NFE2L1: variants seen among roughly 807,000 people sequenced by gnomAD.
NFE2L1 encodes endoplasmic reticulum membrane sensor NFE2L1.
A neutral mutation model predicts 61.6 loss-of-function variants in NFE2L1; 18 were observed. The ratio of observed to expected loss-of-function variants is 0.29; its 90% CI spans 0.20 to 0.43. The LOEUF (loss-of-function observed/expected upper bound fraction) is 0.43, where lower values mean the gene tolerates loss of function less well. Among genes scored for constraint, NFE2L1 ranks in the 20% least tolerant of loss-of-function variants. The pLI is 1.00. For missense variants in NFE2L1, 827 were observed against 973.5 expected, an observed-to-expected ratio of 0.85 and a Z score of 2.00; for synonymous variants, 419 against 402.7, an observed-to-expected ratio of 1.04 and a Z score of -0.48.
chr17:48,054,508 C>G (rs985356225), intron 2 of NFE2L1: 1 of 971,364 alleles, frequency 1.0e-6, no homozygotes, highest in African/African-American at 1.7e-5. Context: ...GCCTAGGTAA[C>G]GACAGTGGGA....
Position 48,051,528 on chromosome 17 carries a change from A to G in NFE2L1, c.410A>G (p.Asp137Gly). 6.2e-7 allele frequency: 1 copy of G among 1,614,200 alleles called. No individual in the cohort carries two copies. The highest frequency in any genetic ancestry group is 8.5e-7 in the Non-Finnish European group (1 of 1,180,030). ...GGCCTCCAAGATGTGACAGGCCCAGACAACGGGGTGCGAGAAAGCGAAACG... is the reference window on the plus strand; with the variant it reads ...GGCCTCCAAGATGTGACAGGCCCAGGCAACGGGGTGCGAGAAAGCGAAACG... ...SSGLQDVTGP[D>G]NGVRESETEQ... is the part of the protein sequence containing the mutation. The change falls in exon 2 of 6, where the codon GAC becomes GGC. Residue 137 changes from aspartate (D) to glycine (G), a missense_variant. Physicochemically the swap from Asp to Gly is moderately conservative, Grantham distance 94. Transcript: ENST00000362042.
At chr17:48,054,415 G>A (rs2037335518) in intron 2 of NFE2L1, 2 of 300,704 alleles carry the variant, frequency 6.7e-6, no homozygotes, top group East Asian at 1.2e-4. Flanking sequence ...CCCGTCTGCA[G>A]CTAGGTAACA....
In NFE2L1 at chr17:48,059,063, C is replaced by G; in HGVS notation, c.1741C>G (p.Pro581Ala). The change falls in exon 6 of 6, where the codon CCC becomes GCC. Residue 581 changes from proline (P) to alanine (A), a missense_variant. Pro to Ala is a conservative substitution (Grantham distance 27). Around this residue, in one of 3 missense-constraint regions of NFE2L1, gnomAD observed 667 missense variants for 748.4 expected, o/e 0.89. Coordinates refer to ENST00000362042, the MANE Select transcript of NFE2L1 (RefSeq NM_003204.3). This position sits in a 1 kb window ranked among gnomAD's most constrained non-coding sequence, Gnocchi z 6.1. ...CCACAACCACACATACAACATGGCA[C>G]CCAGTGCCCTGGACTCAGCCGACCT... Reference protein sequence around the residue: ...VGHNHTYNMAPSALDSADLPP... With the variant: ...VGHNHTYNMAASALDSADLPP... The G allele has an allele frequency of 6.2e-7, 1 of 1,614,118 alleles. No individual in the cohort carries two copies.
At chr17:48,055,202 A>T in intron 2 of NFE2L1, 2 of 1,289,176 alleles carry the variant, frequency 1.6e-6, no homozygotes, top group Non-Finnish European at 2.0e-6. Context: ...TCTTAGGGTC[A>T]GGGGGGGTTA....
chr17:48,057,579 C>G, intron 5 of NFE2L1, 77 bp downstream of exon 5: 1 of 1,513,626 alleles, frequency 6.6e-7, no homozygotes, highest in Non-Finnish European at 8.9e-7. Context: ...TTTTCCATCT[C>G]CAAGGAGAGA....
chr17:48,057,934 A>G (rs556184999), intron 5 of NFE2L1, among the ~76,000 whole-genome samples: 31 of 152,324 alleles, frequency 2.0e-4, no homozygotes, highest in African/African-American at 7.0e-4. Flanking sequence ...TGATGTGCCC[A>G]TCGTCACACA....
chr17:48,058,646 T>A lies in NFE2L1; in HGVS notation c.1324T>A (p.Leu442Ile). The A allele has an allele frequency of 1.9e-6, 3 of 1,614,178 alleles. No individual in the cohort carries two copies. The highest frequency in any genetic ancestry group is 2.5e-6 in the Non-Finnish European group (3 of 1,180,018). The change falls in exon 6 of 6, where the codon TTA becomes ATA. Residue 442 changes from leucine (L) to isoleucine (I), a missense_variant. By Grantham distance (5) the Leu-to-Ile change is conservative (BLOSUM62 2). Coordinates refer to ENST00000362042, the MANE Select transcript of NFE2L1 (RefSeq NM_003204.3). ...GCTGCCTGACCCTTTGGGGGGTCTG[T>A]TAGATGAAGCTATGTTGGATGAGAT... Reference protein sequence around the residue: ...PELPDPLGGLLDEAMLDEISL... With the variant: ...PELPDPLGGLIDEAMLDEISL...
In NFE2L1 at chr17:48,054,756, T is replaced by C. The variant is rs761946512; in HGVS notation, c.511-1630T>C. On this transcript the variant is annotated intron_variant, in intron 2 of 5. Coordinates refer to ENST00000362042, the MANE Select transcript of NFE2L1 (RefSeq NM_003204.3). ...GTGGGAGTCCCATCTCACTGCAGCCTCTGCGGTGAGCTCAGGGTGGGGGCA... is the reference window on the plus strand; with the variant it reads ...GTGGGAGTCCCATCTCACTGCAGCCCCTGCGGTGAGCTCAGGGTGGGGGCA... 637 of 1,295,124 alleles carry C rather than the reference T, an allele frequency of 4.9e-4. 1 individual carries two copies. Among genetic ancestry groups the C allele is most frequent in the Non-Finnish European group, 5.8e-4 (591 of 1,021,444 alleles). The allele number at this position is 1,295,124 out of a possible 1,614,324, so 80.2% of individuals were successfully genotyped here.
In NFE2L1 at chr17:48,051,364, G is replaced by C. The variant is rs1002583656; in HGVS notation, c.246G>C (p.Arg82=). The C allele has an allele frequency of 2.8e-5, 46 of 1,614,064 alleles. No homozygotes were observed. The highest frequency in any genetic ancestry group is 3.8e-5 in the Non-Finnish European group (45 of 1,180,040). The change falls in exon 2 of 6, where the codon CGG becomes CGC. Residue 82 remains arginine, a synonymous_variant. Transcript: ENST00000362042. The part of the protein sequence containing the change: ...IDLDNYFTAR[R]LLSQVRALDR... The stretch of plus-strand genomic sequence containing the variant: ...TGGACAATTACTTCACTGCCCGGCG[G>C]CTCCTCAGTCAGGTGAGGGCCCTGG...
chr17:48,055,028 C>T, intron 2 of NFE2L1: 2 of 1,517,870 alleles, frequency 1.3e-6, no homozygotes, highest in Non-Finnish European at 1.8e-6. Flanking sequence ...CATGACCCGC[C>T]TGGACCGCAG....
Position 48,059,340 on chromosome 17 carries a change from A to G in NFE2L1, c.2018A>G (p.Lys673Arg), listed in dbSNP as rs769972501. 32 of 1,614,106 alleles carry G rather than the reference A, an allele frequency of 2.0e-5. No individual in the cohort carries two copies. The highest frequency in any genetic ancestry group is 2.5e-5 in the Non-Finnish European group (30 of 1,180,052). The change falls in exon 6 of 6, where the codon AAG (lysine) becomes AGG (arginine). Residue 673 changes from lysine (K) to arginine (R), a missense_variant. By Grantham distance (26) the Lys-to-Arg change is conservative (BLOSUM62 2). This residue lies in a region of NFE2L1 where 74 missense variants were observed against 127.8 expected (regional missense o/e 0.58). Transcript: ENST00000362042. The surrounding 1 kb of genome is among the most constrained non-coding windows in gnomAD (Gnocchi z 6.1). ...AAGATGGCGGCGCAGAACTGCCGCA[A>G]GCGCAAGCTGGACACCATCCTGAAT... is the stretch of plus-strand genomic sequence containing the variant. ...KNKMAAQNCR[K>R]RKLDTILNLE...
chr17:48,056,441 G>A lies in NFE2L1; in HGVS notation c.566G>A (p.Arg189His), dbSNP rs767878243. Residue 189 changes from arginine to histidine, a missense_variant, in exon 3 of 6, where the codon CGT becomes CAT. Arg to His is a conservative substitution (Grantham distance 29). Coordinates refer to ENST00000362042, the MANE Select transcript of NFE2L1 (RefSeq NM_003204.3). The part of the protein sequence containing the change: ...WRQDIDLGAG[R>H]EVFDYSHRQK... ...CAGGATATTGATCTGGGGGCTGGGC[G>A]TGAGGTTTTTGACTATAGTCACCGC... The A allele has an allele frequency of 5.6e-6, 9 of 1,614,188 alleles. No homozygotes were observed. Among genetic ancestry groups the A allele is most frequent in the African/African-American group, 1.3e-5 (1 of 75,038 alleles).
Position 48,056,378 on chromosome 17 carries a change from T to A in NFE2L1, c.511-8T>A, listed in dbSNP as rs1224391748. 1.3e-5 allele frequency: 21 copies of A among 1,614,074 alleles called. No homozygotes were observed. Among genetic ancestry groups the A allele is most frequent in the Non-Finnish European group, 1.8e-5 (21 of 1,179,948 alleles). ...CTTAGAGCTAAAGTCATGTGATCTG[T>A]CTTTCAGGACATAGATCTGATTGAC... On this transcript the variant is annotated splice_polypyrimidine_tract_variant and splice_region_variant and intron_variant, in intron 2 of 5. Transcript: ENST00000362042.
chr17:48,059,779 G>C lies in NFE2L1; in HGVS notation c.*138G>C. 2 of 1,315,422 alleles carry C rather than the reference G, an allele frequency of 1.5e-6. No individual in the cohort carries two copies. Among genetic ancestry groups the C allele is most frequent in the Non-Finnish European group, 2.0e-6 (2 of 991,606 alleles). 81.5% of individuals were successfully genotyped at this position (1,315,422 alleles called of 1,614,324 possible). A position where few individuals can be genotyped will look rare whatever the true frequency, so the allele number is the denominator to read the frequency against. ...ATCTTCTCAGATGGGATGACTGCGG[G>C]TCAGTGTACAGGAAGAGGCAGGCAC... On this transcript the variant is annotated 3_prime_UTR_variant, in exon 6 of 6. Transcript: ENST00000362042. The surrounding 1 kb of genome is among the most constrained non-coding windows in gnomAD (Gnocchi z 6.1).
chr17:48,052,564 G>T (rs2037281257), intron 2 of NFE2L1, among the ~76,000 whole-genome samples: 1 of 152,176 alleles, frequency 6.6e-6, no homozygotes, highest in African/African-American at 2.4e-5. Context: ...GGGCTTCTCT[G>T]CCTGCCAGGT....
In NFE2L1 at chr17:48,058,809, G is replaced by C. The variant is rs773586006; in HGVS notation, c.1487G>C (p.Ser496Thr). The C allele has an allele frequency of 6.2e-7, 1 of 1,614,114 alleles. No homozygotes were observed. Among genetic ancestry groups the C allele is most frequent in the Non-Finnish European group, 8.5e-7 (1 of 1,180,026 alleles). ...SPSSLSSSEG[S>T]SSSSSSSSSS... ...TCTTCCCTAAGCAGCTCTGAAGGCA[G>C]TTCTTCCTCTTCTTCCTCCTCCTCT... Residue 496 changes from serine (S) to threonine (T), a missense_variant, in exon 6 of 6, where the codon AGT (serine) becomes ACT (threonine). Ser to Thr is a moderately conservative substitution (Grantham distance 58). Transcript: ENST00000362042.
chr17:48,055,243 G>A (rs1339585861), intron 2 of NFE2L1: 2 of 1,255,890 alleles, frequency 1.6e-6, no homozygotes, highest in Non-Finnish European at 2.0e-6. Flanking sequence ...TAGAGGTAGG[G>A]AGGAGGGTCT....
intron 3 of NFE2L1, 80 bp from the exon 4 acceptor site, chr17:48,056,952 T>G: frequency 7.0e-7 from 1 of 1,427,220 alleles, no homozygotes; most frequent in South Asian, 1.2e-5. Flanking sequence ...CTGCAGGGCT[T>G]CAGCCATTCT....
rs765250917 is a variant in NFE2L1, at chr17:48,058,825, C to G, written c.1503C>G (p.Ser501=). 2.5e-6 allele frequency: 4 copies of G among 1,613,876 alleles called. No individual in the cohort carries two copies. The African/African-American group carries it at 5.3e-5, about 22-fold the overall frequency. ...SSSEGSSSSS[S]SSSSSSSSAS... ...CTGAAGGCAGTTCTTCCTCTTCTTC[C>G]TCCTCCTCTTCCTCTTCTTCCTCTG... Residue 501 remains serine (S), a synonymous_variant, in exon 6 of 6, where the codon TCC becomes TCG. Coordinates refer to ENST00000362042, the MANE Select transcript of NFE2L1 (RefSeq NM_003204.3).
Sources: gnomAD v4.1 joint callset for allele counts (sites outside exome capture counted in the v4.1 genomes callset) on GRCh38, gnomAD v4.1.1 for gene constraint, gnomAD v4.1.1 regional missense constraint, Gnocchi (gnomAD v3.1) non-coding constraint, MANE v1.5 for transcripts, NCBI Gene and HGNC (gene_info 2026-07-23, HGNC 2026-07-21) for gene names.